Variants in IGFL2 observed in about 807,000 individuals in gnomAD.
The protein encoded by IGFL2 is IGF like family member 2, also known as insulin growth factor-like family member 2.
IGFL2 carries 7 observed loss-of-function variants against 13.9 expected under a neutral mutation model. The ratio of observed to expected loss-of-function variants is 0.51; its 90% CI spans 0.29 to 0.95. The LOEUF is 0.95. Among genes scored for constraint, IGFL2 ranks in the 40% least tolerant of loss-of-function variants. The pLI, the probability that IGFL2 is intolerant of heterozygous loss-of-function variation, is 0.08. For missense variants in IGFL2, 138 were observed against 147.8 expected (o/e 0.93, Z 0.34); for synonymous variants, 55 against 55.8 (o/e 0.99, Z 0.07).
the IGFL2 span, among the ~76,000 whole-genome samples, chr19:46,088,427 A>G: frequency 1.3e-5 from 2 of 152,326 alleles, no homozygotes; most frequent in East Asian, 3.9e-4. Context: ...ACTGAGTCTC[A>G]ATATCAAAAC....
chr19:46,139,088 C>G (rs1165619055), upstream of IGFL2, among the ~76,000 whole-genome samples: 7 of 152,094 alleles, frequency 4.6e-5, no homozygotes, highest in African/African-American at 1.7e-4. Context: ...CACTCCATGC[C>G]TATTTAACTC....
chr19:46,092,536 G>A, the IGFL2 span, among the ~76,000 whole-genome samples: 2 of 152,072 alleles, frequency 1.3e-5, no homozygotes, highest in African/African-American at 4.8e-5. Flanking sequence ...GGAGGCTAAG[G>A]TGGGAGAATC....
the IGFL2 span, chr19:46,136,616 A>G: frequency 5.3e-6 from 2 of 375,398 alleles, no homozygotes; most frequent in Non-Finnish European, 5.1e-6. Flanking sequence ...ACATCTCAGT[A>G]ACAGGAGGCT....
the IGFL2 span, among the ~76,000 whole-genome samples, chr19:46,191,657 A>C: frequency 6.6e-6 from 1 of 152,138 alleles, no homozygotes; most frequent in Non-Finnish European, 1.5e-5. Flanking sequence ...TCCAAAAGAA[A>C]GCATGTTTTT....
chr19:46,095,512 C>T, the IGFL2 span, among the ~76,000 whole-genome samples: 1 of 152,132 alleles, frequency 6.6e-6, no homozygotes, highest in Non-Finnish European at 1.5e-5. Flanking sequence ...TTTTGCTGTG[C>T]AGAAACTCTT....
Position 46,161,081 on chromosome 19 carries a change from T to G in IGFL2, c.353T>G (p.Phe118Cys), listed in dbSNP as rs1185277368. 1 of 1,590,550 alleles carries G rather than the reference T, an allele frequency of 6.3e-7. No homozygotes were observed. The highest frequency in any genetic ancestry group is 8.6e-7 in the Non-Finnish European group (1 of 1,166,686). Residue 118 changes from phenylalanine to cysteine, a missense_variant, in exon 4 of 4, where the codon TTT becomes TGT. Transcript: ENST00000377693. ...CTTTTTCTCTGTAGCAGAAGACGTT[T>G]TCCCTGAGAAGACATAGAAAGAAAA... ...ISSKCESRRRFP is the reference protein window; with the variant it reads ...ISSKCESRRRCP
chr19:46,168,323 A>G, the IGFL2 span, among the ~76,000 whole-genome samples: 2 of 152,216 alleles, frequency 1.3e-5, no homozygotes, highest in African/African-American at 4.8e-5. Flanking sequence ...TTGGACAGGC[A>G]GTTGCTGGGC....
At chr19:46,080,988 C>T in the IGFL2 span, among the ~76,000 whole-genome samples, 29 of 152,340 alleles carry the variant, frequency 1.9e-4, no homozygotes, top group Admixed American at 6.5e-5. Flanking sequence ...CTGCCATGCT[C>T]ATCACGCACT....
the IGFL2 span, among the ~76,000 whole-genome samples, chr19:46,098,478 CTTTT>C: frequency 3.1e-5 from 4 of 128,382 alleles, no homozygotes; most frequent in Admixed American, 8.0e-5. Flanking sequence ...CAATCTGTGT[CTTTT>C]TTTTTTTTTT....
At chr19:46,103,549 T>A in the IGFL2 span, among the ~76,000 whole-genome samples, 1 of 152,154 alleles carries the variant, frequency 6.6e-6, no homozygotes, top group Non-Finnish European at 1.5e-5. Flanking sequence ...AGTGGCGGAT[T>A]GGGGATAGTA....
At chr19:46,199,858 C>T in the IGFL2 span, among the ~76,000 whole-genome samples, 22 of 152,180 alleles carry the variant, frequency 1.4e-4, no homozygotes, top group African/African-American at 5.1e-4. Flanking sequence ...GCCATGCCTG[C>T]ACCCTTCTTC....
At chr19:46,131,003 C>T in the IGFL2 span, among the ~76,000 whole-genome samples, 6 of 152,134 alleles carry the variant, frequency 3.9e-5, no homozygotes, top group African/African-American at 1.2e-4. Flanking sequence ...GTAAGGAGGC[C>T]ATCTCCAACT....
At chr19:46,085,293 A>G in the IGFL2 span, among the ~76,000 whole-genome samples, 1 of 152,162 alleles carries the variant, frequency 6.6e-6, no homozygotes, top group Non-Finnish European at 1.5e-5. Flanking sequence ...AAGCTCCAAA[A>G]TAGTCTCTCT....
At chr19:46,162,900 A>G (rs1377737890), downstream of IGFL2, among the ~76,000 whole-genome samples, 2 of 152,148 alleles carry the variant, frequency 1.3e-5, no homozygotes, top group Admixed American at 1.3e-4. Context: ...GAGTTCTTGC[A>G]TTGCTTCTTT....
At chr19:46,177,822 C>G in the IGFL2 span, among the ~76,000 whole-genome samples, 2 of 152,140 alleles carry the variant, frequency 1.3e-5, no homozygotes, top group Non-Finnish European at 2.9e-5. Context: ...ATAAAATCTT[C>G]AGCTCCCCAG....
chr19:46,148,140 C>T (rs976603988), upstream of IGFL2: 1 of 666,596 alleles, frequency 1.5e-6, no homozygotes, highest in Non-Finnish European at 2.6e-6. Context: ...TGTGGCTTCT[C>T]ATGCCCCACC....
chr19:46,079,576 C>T, the IGFL2 span, among the ~76,000 whole-genome samples: 1 of 152,142 alleles, frequency 6.6e-6, no homozygotes, highest in Admixed American at 6.5e-5. Context: ...CCCGAGTTTC[C>T]AGGCCTCAGG....
chr19:46,114,331 C>T, the IGFL2 span, among the ~76,000 whole-genome samples: 1 of 152,158 alleles, frequency 6.6e-6, no homozygotes, highest in Non-Finnish European at 1.5e-5. Context: ...ATACCTTTTC[C>T]ACTATAAAGC....
At chr19:46,168,528 A>G in the IGFL2 span, among the ~76,000 whole-genome samples, 1 of 152,190 alleles carries the variant, frequency 6.6e-6, no homozygotes, top group Non-Finnish European at 1.5e-5. Flanking sequence ...GTAGCTATAA[A>G]TTAACCTAAT....
Sources: gnomAD v4.1 joint callset for allele counts (sites outside exome capture counted in the v4.1 genomes callset) on GRCh38, gnomAD v4.1.1 for gene constraint, MANE v1.5 for transcripts, NCBI Gene and HGNC (gene_info 2026-07-23, HGNC 2026-07-21) for gene names.